The following AGAP1 variants were observed in gnomAD, a reference collection of about 807,000 sequenced individuals.
AGAP1 encodes the protein arf-GAP with GTPase, ANK repeat and PH domain-containing protein 1.
AGAP1 carries 29 observed loss-of-function variants against 105.3 expected under a neutral mutation model. That is an observed-to-expected ratio of 0.28 (90% CI 0.21 to 0.38). The LOEUF (loss-of-function observed/expected upper bound fraction) is 0.38. Among genes scored for constraint, AGAP1 ranks in the 10% least tolerant of loss-of-function variants. The probability of loss-of-function intolerance (pLI) is 1.00; values close to 1 mark genes in which losing one functional copy is unlikely to be tolerated. For missense variants in AGAP1, 998 were observed against 1,165.1 expected, an observed-to-expected ratio of 0.86 and a Z score of 2.09; for synonymous variants, 509 against 485.9, an observed-to-expected ratio of 1.05 and a Z score of -0.63.
chr2:235,607,935 T>C (rs954221999), intron 1 of AGAP1, among the ~76,000 whole-genome samples: 2 of 152,230 alleles, frequency 1.3e-5, no homozygotes, highest in Non-Finnish European at 2.9e-5. Flanking sequence ...TGGAAATATG[T>C]TAGACCAAAA....
rs1414537385 is a variant in AGAP1 at position 236,126,304 on chromosome 2, A to G, written c.*2182A>G. On this transcript the variant is annotated 3_prime_UTR_variant, in exon 18 of 18. Transcript: ENST00000304032. ...ACAGGTCATTGCCTATTTTTGAAGA[A>G]CGCGTTGGTGTTCGAGTCCACTAGA... 6.6e-6 allele frequency: 1 copy of G among 152,148 alleles called. No homozygotes were observed. Among genetic ancestry groups the G allele is most frequent in the Non-Finnish European group, 1.5e-5 (1 of 68,034 alleles). The allele number at this position is 152,148 out of a possible 1,614,324, so 9.4% of individuals were successfully genotyped here. A position where few individuals can be genotyped will look rare whatever the true frequency, so the allele number is the denominator to read the frequency against.
intron 3 of AGAP1, among the ~76,000 whole-genome samples, chr2:235,722,861 A>G (rs1017987780): frequency 6.6e-6 from 1 of 151,960 alleles, no homozygotes; most frequent in African/African-American, 2.4e-5. Flanking sequence ...CACACATAAA[A>G]TACACTAACA....
chr2:235,604,873 C>T (rs1415363460), intron 1 of AGAP1, among the ~76,000 whole-genome samples: 1 of 149,714 alleles, frequency 6.7e-6, no homozygotes, highest in Non-Finnish European at 1.5e-5. Context: ...TGAGCCATCG[C>T]GCCCAGCCTA....
Position 235,979,108 on chromosome 2 carries a change from G to A in AGAP1, c.1645+10485G>A, listed in dbSNP as rs551166180. ...CTTTTTCTTTTTTTGGATGACAGAA[G>A]TGTATTTGTGGGGTTTTTTTGTTGT... On this transcript the variant is annotated intron_variant, in intron 13 of 17. Transcript: ENST00000304032. This position sits in a 1 kb window ranked among gnomAD's most constrained non-coding sequence, Gnocchi z 4.5. Among the ~76,000 whole-genome samples the A allele has an allele frequency of 1.3e-5, 2 of 150,792 alleles. No individual in the cohort carries two copies. The highest frequency in any genetic ancestry group is 4.2e-4 in the South Asian group (2 of 4,780).
chr2:235,702,074 G>T (rs996120721), intron 1 of AGAP1, among the ~76,000 whole-genome samples: 2 of 151,906 alleles, frequency 1.3e-5, no homozygotes, highest in African/African-American at 2.4e-5. Flanking sequence ...CCTTTTTTTA[G>T]CCTTGTGTAT....
chr2:235,520,760 C>T (rs1320219233), intron 1 of AGAP1, among the ~76,000 whole-genome samples: 2 of 152,112 alleles, frequency 1.3e-5, no homozygotes, highest in South Asian at 2.1e-4. Context: ...ATTTACTAAT[C>T]GTAAAAATAA....
At chr2:236,052,987 G>T (rs560508564) in intron 16 of AGAP1, among the ~76,000 whole-genome samples, 81 of 152,324 alleles carry the variant, frequency 5.3e-4, no homozygotes, top group African/African-American at 1.9e-3. Context: ...GGTTTTAGGG[G>T]TTTAAGAAGG....
intron 3 of AGAP1, chr2:235,718,252 C>T (rs184132609): frequency 6.6e-5 from 28 of 422,792 alleles, no homozygotes; most frequent in Middle Eastern, 1.1e-3. Context: ...TGTCCCCTAA[C>T]GAAGGGGTGT....
chr2:236,040,691 G>A lies in AGAP1; in HGVS notation c.1801-60G>A. ...GTTTGATCTTTCCCTGATGTTATCAGTGATGTGCGTTTCTCCCGGGGTGCT... is the reference window on the plus strand; with the variant it reads ...GTTTGATCTTTCCCTGATGTTATCAATGATGTGCGTTTCTCCCGGGGTGCT... On this transcript the variant is annotated intron_variant, in intron 14 of 17. Transcript: ENST00000304032. This position sits in a 1 kb window ranked among gnomAD's most constrained non-coding sequence, Gnocchi z 5.6. 6.6e-7 allele frequency: 1 copy of A among 1,514,782 alleles called. No individual in the cohort carries two copies. The highest frequency in any genetic ancestry group is 9.1e-7 in the Non-Finnish European group (1 of 1,093,886). The allele number at this position is 1,514,782 out of a possible 1,614,324, so 93.8% of individuals were successfully genotyped here.
At chr2:236,064,011 C>CT (rs2058278234) in intron 16 of AGAP1, among the ~76,000 whole-genome samples, 1 of 152,200 alleles carries the variant, frequency 6.6e-6, no homozygotes, top group Non-Finnish European at 1.5e-5. Context: ...CTATAAGTCT[C>CT]TCCTCAAGGA....
At chr2:235,717,227 C>T (rs57296798) in intron 2 of AGAP1, among the ~76,000 whole-genome samples, 2,394 of 152,308 alleles carry the variant, frequency 0.016, 61 homozygotes, top group African/African-American at 0.055. Flanking sequence ...CTGGAGGGTG[C>T]ACAGTAGATG....
rs1944350134 is a variant in AGAP1 at position 235,566,459 on chromosome 2, G to C, written c.163+71610G>C. The C allele has an allele frequency of 3.9e-6, 2 of 519,370 alleles. No homozygotes were observed. The highest frequency in any genetic ancestry group is 1.7e-4 in the South Asian group (2 of 11,860). 32.2% of individuals were successfully genotyped at this position (519,370 alleles called of 1,614,324 possible). On this transcript the variant is annotated intron_variant, in intron 1 of 17. Transcript: ENST00000304032. The surrounding 1 kb of genome is among the most constrained non-coding windows in gnomAD (Gnocchi z 5.2). Reference sequence around the variant, plus strand: ...CTATTATTAACTCGAGATCAATATTGATTTACTGTTTTGTTTTTTTATTTC... The same window carrying C: ...CTATTATTAACTCGAGATCAATATTCATTTACTGTTTTGTTTTTTTATTTC...
chr2:235,539,724 T>C (rs1943371288), intron 1 of AGAP1, among the ~76,000 whole-genome samples: 1 of 152,042 alleles, frequency 6.6e-6, no homozygotes, highest in Non-Finnish European at 1.5e-5. Context: ...GAAGAGAGGC[T>C]TCGAGGAGAG....
chr2:235,534,288 C>T (rs1324425939), intron 1 of AGAP1, among the ~76,000 whole-genome samples: 1 of 152,148 alleles, frequency 6.6e-6, no homozygotes, highest in African/African-American at 2.4e-5. Context: ...AAATACAGTG[C>T]CTGCTGCCAC....
intron 13 of AGAP1, among the ~76,000 whole-genome samples, chr2:235,980,125 C>T (rs868571869): frequency 8.1e-4 from 123 of 152,276 alleles, no homozygotes; most frequent in African/African-American, 2.8e-3. Context: ...GACGACCCTC[C>T]GTGTAATCAA....
chr2:235,608,980 GTAA>G lies in AGAP1; in HGVS notation c.164-100191_164-100189del, dbSNP rs1323400225. Among the ~76,000 whole-genome samples the G allele has an allele frequency of 3.3e-5, 5 of 151,940 alleles. No individual in the cohort carries two copies. The highest frequency in any genetic ancestry group is 4.8e-5 in the African/African-American group (2 of 41,392). Reference sequence around the variant, plus strand: ...ACTAGGAATAATAGTAGTAGAAGTAGTAATAATAATTACAGAAGAGCAAATTTA... The same window carrying G: ...ACTAGGAATAATAGTAGTAGAAGTAGTAATAATTACAGAAGAGCAAATTTA... On this transcript the variant is annotated intron_variant, in intron 1 of 17. Transcript: ENST00000304032. This position sits in a 1 kb window ranked among gnomAD's most constrained non-coding sequence, Gnocchi z 5.4.
In AGAP1 at chr2:235,665,681, G is replaced by GA. The variant is rs1559324786; in HGVS notation, c.164-43494dup. ...GTATCTGTCAGTCAACTGGCTACCA[G>GA]AAAATAGCCTTTGATGTACCCACGG... On this transcript the variant is annotated intron_variant, in intron 1 of 17. Coordinates refer to ENST00000304032, the MANE Select transcript of AGAP1 (RefSeq NM_001037131.3). This position sits in a 1 kb window ranked among gnomAD's most constrained non-coding sequence, Gnocchi z 5.3. Among the ~76,000 whole-genome samples the GA allele has an allele frequency of 6.6e-6, 1 of 152,120 alleles. No individual in the cohort carries two copies. The highest frequency in any genetic ancestry group is 1.5e-5 in the Non-Finnish European group (1 of 68,026).
chr2:235,811,402 A>AT (rs760957566), intron 9 of AGAP1, among the ~76,000 whole-genome samples: 2 of 152,228 alleles, frequency 1.3e-5, no homozygotes, highest in Non-Finnish European at 2.9e-5. Flanking sequence ...AAAGCGTATC[A>AT]TTTTTACTTG....
At position 235,845,923 on chromosome 2, in the gene AGAP1, G is replaced by A. The variant is rs866894556; in HGVS notation, c.1051-37422G>A. On this transcript the variant is annotated intron_variant, in intron 9 of 17. Transcript: ENST00000304032. The surrounding 1 kb of genome is among the most constrained non-coding windows in gnomAD (Gnocchi z 4.8). ...ATGCCCTCCTTCCTGCACCCCCAGA[G>A]TGGCCCCTCCACTCACCCTTCAGCT... Among the ~76,000 whole-genome samples the A allele has an allele frequency of 3.3e-5, 5 of 152,030 alleles. No individual in the cohort carries two copies. Among genetic ancestry groups the A allele is most frequent in the African/African-American group, 9.6e-5 (4 of 41,464 alleles).
Sources: allele counts gnomAD v4.1 joint callset (sites outside exome capture counted in the v4.1 genomes callset), GRCh38; gene constraint gnomAD v4.1.1; non-coding constraint Gnocchi (gnomAD v3.1); transcripts MANE v1.5; gene names NCBI Gene and HGNC (gene_info 2026-07-23, HGNC 2026-07-21).